Variants in TCP11L1 observed in about 807,000 individuals in gnomAD.
TCP11L1 encodes the protein T-complex protein 11-like protein 1.
Under a neutral mutation model 48.9 loss-of-function variants are expected in TCP11L1, and 28 were observed. The observed-to-expected ratio is 0.57, with a 90% confidence interval of 0.42 to 0.78. The LOEUF (loss-of-function observed/expected upper bound fraction) is 0.78. Among genes scored for constraint, TCP11L1 ranks in the 30% least tolerant of loss-of-function variants. TCP11L1 has a pLI of 0.00. For synonymous variants in TCP11L1, 204 were observed against 231.9 expected, an observed-to-expected ratio of 0.88 and a Z score of 1.09; for missense variants, 505 against 613.4, an observed-to-expected ratio of 0.82 and a Z score of 1.87.
At chr11:33,054,572 T>A (rs1405950027) in intron 2 of TCP11L1, 21 bp from the exon 3 acceptor site, 1 of 1,604,974 alleles carries the variant, frequency 6.2e-7, no homozygotes, top group Non-Finnish European at 8.5e-7. Flanking sequence ...GCAAATCTCT[T>A]ACAGTGAGTT....
chr11:33,051,241 C>T (rs554830786), intron 2 of TCP11L1, among the ~76,000 whole-genome samples: 1 of 152,286 alleles, frequency 6.6e-6, no homozygotes, highest in African/African-American at 2.4e-5. Flanking sequence ...AATCTCAGCT[C>T]ACTGCAAGCT....
At chr11:33,052,270 T>C (rs1167919315) in intron 2 of TCP11L1, among the ~76,000 whole-genome samples, 3 of 152,314 alleles carry the variant, frequency 2.0e-5, no homozygotes, top group East Asian at 3.9e-4. Flanking sequence ...TGAAAAGATA[T>C]ATTGGGCTTT....
At chr11:33,059,602 C>T (rs1324194914) in intron 6 of TCP11L1, among the ~76,000 whole-genome samples, 1 of 152,188 alleles carries the variant, frequency 6.6e-6, no homozygotes, top group East Asian at 1.9e-4. Context: ...TCTAAAACTA[C>T]GTTGTATTTC....
Position 33,072,766 on chromosome 11 carries a change from G to A in TCP11L1, c.*90G>A. On this transcript the variant is annotated 3_prime_UTR_variant, in exon 10 of 10. Coordinates refer to ENST00000334274, the MANE Select transcript of TCP11L1 (RefSeq NM_018393.4). The stretch of plus-strand genomic sequence containing the variant: ...TGTTGCATTGGAAAATGGCTATATA[G>A]TACATGTCTATTTAACAGCACCGAT... The A allele has an allele frequency of 7.1e-7, 1 of 1,411,026 alleles. No individual in the cohort carries two copies. 87.4% of individuals were successfully genotyped at this position (1,411,026 alleles called of 1,614,324 possible).
At chr11:33,062,105 TAAATA>T (rs1005601442) in intron 7 of TCP11L1, among the ~76,000 whole-genome samples, 39 of 152,048 alleles carry the variant, frequency 2.6e-4, no homozygotes, top group East Asian at 1.4e-3. Flanking sequence ...AATAAGTAAA[TAAATA>T]AAATAAAAAA....
At chr11:33,062,482 T>C (rs1307485527) in intron 7 of TCP11L1, among the ~76,000 whole-genome samples, 2 of 152,362 alleles carry the variant, frequency 1.3e-5, no homozygotes, top group African/African-American at 2.4e-5. Flanking sequence ...TCCACTGTGT[T>C]TTTTTTGTTG....
chr11:33,041,635 C>G (rs550966804), intron 1 of TCP11L1, among the ~76,000 whole-genome samples: 1 of 151,974 alleles, frequency 6.6e-6, no homozygotes, highest in African/African-American at 2.4e-5. Context: ...CCTATAATCC[C>G]AGCTACTGGG....
In TCP11L1 at chr11:33,072,957, C is replaced by A; in HGVS notation, c.*281C>A. On this transcript the variant is annotated 3_prime_UTR_variant, in exon 10 of 10. Coordinates refer to ENST00000334274, the MANE Select transcript of TCP11L1 (RefSeq NM_018393.4). ...TCAGCTGTTGTCTCCACTCCTCCCC[C>A]ATCATGTCCTTCCAAGGAGGCTGGG... The A allele has an allele frequency of 7.3e-6, 3 of 410,828 alleles. No individual in the cohort carries two copies. Among genetic ancestry groups the A allele is most frequent in the Non-Finnish European group, 1.4e-5 (3 of 221,342 alleles). 25.4% of individuals were successfully genotyped at this position (410,828 alleles called of 1,614,324 possible). A position where few individuals can be genotyped will look rare whatever the true frequency, so the allele number is the denominator to read the frequency against.
In TCP11L1 at chr11:33,072,644, G is replaced by A. The variant is rs1482617239; in HGVS notation, c.1498G>A (p.Ala500Thr). ...GATGGTCTTCTGTCCCTACTACGAT[G>A]CAATCCTGAGTAAGATCCTCGTCCG... ...NKMVFCPYYD[A>T]ILSKILVRS Residue 500 changes from alanine (A) to threonine (T), a missense_variant, in exon 10 of 10, where the codon GCA (alanine) becomes ACA (threonine). This residue lies in a region of TCP11L1 where 335 missense variants were observed against 413.3 expected (regional missense o/e 0.81). Coordinates refer to ENST00000334274, the MANE Select transcript of TCP11L1 (RefSeq NM_018393.4). 6.2e-7 allele frequency: 1 copy of A among 1,614,114 alleles called. No individual in the cohort carries two copies.
At chr11:33,044,084 A>G (rs1191742641) in intron 2 of TCP11L1, 148 bp downstream of exon 2, 1 of 726,198 alleles carries the variant, frequency 1.4e-6, no homozygotes, top group Non-Finnish European at 2.1e-6. Context: ...GCAGTTCCTC[A>G]GCTGGCAGCC....
intron 7 of TCP11L1, among the ~76,000 whole-genome samples, 198 bp downstream of exon 7, chr11:33,061,924 T>C (rs1274066694): frequency 6.6e-6 from 1 of 151,886 alleles, no homozygotes; most frequent in African/African-American, 2.4e-5. Flanking sequence ...GTACTAAAAA[T>C]ACAAAAAATT....
chr11:33,043,335 C>A (rs1233915116), intron 1 of TCP11L1, among the ~76,000 whole-genome samples: 1 of 152,064 alleles, frequency 6.6e-6, no homozygotes. Flanking sequence ...ACTTGTAAGC[C>A]CAATTAAAAG....
Position 33,073,018 on chromosome 11 carries a change from A to G in TCP11L1, c.*342A>G. The G allele has an allele frequency of 3.1e-6, 1 of 317,602 alleles. No homozygotes were observed. The allele number at this position is 317,602 out of a possible 1,614,324, so 19.7% of individuals were successfully genotyped here. On this transcript the variant is annotated 3_prime_UTR_variant, in exon 10 of 10. Coordinates refer to ENST00000334274, the MANE Select transcript of TCP11L1 (RefSeq NM_018393.4). ...TCTGCAATCTGGGTAGTTCTTTCAG[A>G]TGCCTCATGCTGAGCTGACGGCCAT...
chr11:33,055,375 A>G (rs1854281430), intron 3 of TCP11L1, among the ~76,000 whole-genome samples: 1 of 152,216 alleles, frequency 6.6e-6, no homozygotes, highest in Non-Finnish European at 1.5e-5. Flanking sequence ...CAAGCATCCC[A>G]TAATACATCA....
rs80164303 is a variant in TCP11L1 at position 33,073,372 on chromosome 11, A to G, written c.*696A>G. 9.3e-5 allele frequency: 14 copies of G among 150,354 alleles called. No homozygotes were observed. Among genetic ancestry groups the G allele is most frequent in the Admixed American group, 6.0e-4 (9 of 14,998 alleles). 9.3% of individuals were successfully genotyped at this position (150,354 alleles called of 1,614,324 possible). A position where few individuals can be genotyped will look rare whatever the true frequency, so the allele number is the denominator to read the frequency against. Reference sequence around the variant, plus strand: ...ACAAAATTACTCCTGCATCTGGTTGAGAGCAGTTATGACTTATGAGATCTA... The same window carrying G: ...ACAAAATTACTCCTGCATCTGGTTGGGAGCAGTTATGACTTATGAGATCTA... On this transcript the variant is annotated 3_prime_UTR_variant, in exon 10 of 10. Coordinates refer to ENST00000334274, the MANE Select transcript of TCP11L1 (RefSeq NM_018393.4).
intron 2 of TCP11L1, among the ~76,000 whole-genome samples, chr11:33,049,191 A>G (rs1370609843): frequency 2.0e-5 from 3 of 149,114 alleles, no homozygotes; most frequent in Non-Finnish European, 4.4e-5. Context: ...CGGAGGTTGC[A>G]GTGAGCCGAG....
At chr11:33,054,489 G>C in intron 2 of TCP11L1, 104 bp from the exon 3 acceptor site, 1 of 1,340,110 alleles carries the variant, frequency 7.5e-7, no homozygotes, top group Non-Finnish European at 1.0e-6. Flanking sequence ...TTTAATAGAC[G>C]CAATAACTGA....
chr11:33,069,039 A>G (rs1854701445), intron 9 of TCP11L1, among the ~76,000 whole-genome samples, 180 bp downstream of exon 9: 1 of 152,062 alleles, frequency 6.6e-6, no homozygotes, highest in Admixed American at 6.6e-5. Context: ...CCAGGCAGCC[A>G]TCATTGTTCT....
chr11:33,044,660 G>A (rs1301968401), intron 2 of TCP11L1, among the ~76,000 whole-genome samples: 2 of 152,172 alleles, frequency 1.3e-5, no homozygotes, highest in Non-Finnish European at 2.9e-5. Flanking sequence ...GGGTTTTGGG[G>A]TGTGTTTCTT....
Sources: gnomAD v4.1 joint callset for allele counts (sites outside exome capture counted in the v4.1 genomes callset) on GRCh38, gnomAD v4.1.1 for gene constraint, gnomAD v4.1.1 regional missense constraint, MANE v1.5 for transcripts, NCBI Gene and HGNC (gene_info 2026-07-23, HGNC 2026-07-21) for gene names.